The following CYFIP1 variants were observed in gnomAD, a reference collection of about 807,000 sequenced individuals.
CYFIP1 encodes cytoplasmic FMR1-interacting protein 1.
A neutral mutation model predicts 163.5 loss-of-function variants in CYFIP1; 58 were observed. The ratio of observed to expected loss-of-function variants is 0.35; its 90% confidence interval spans 0.29 to 0.44. The LOEUF (loss-of-function observed/expected upper bound fraction) is 0.44. Among genes scored for constraint, CYFIP1 ranks in the 20% least tolerant of loss-of-function variants. The pLI is 1.00. For synonymous variants in CYFIP1, 663 were observed against 660.7 expected (o/e 1.00, Z -0.05); for missense variants, 1,338 against 1,653.8 (o/e 0.81, Z 3.31).
chr15:22,917,148 C>T lies in CYFIP1; in HGVS notation c.1675-518G>A, dbSNP rs780237841. On this transcript the variant is annotated intron_variant, in intron 15 of 30. Coordinates refer to ENST00000617928, the MANE Select transcript of CYFIP1 (RefSeq NM_014608.6). The surrounding 1 kb of genome is among the most constrained non-coding windows in gnomAD (Gnocchi z 4.2). ...GAGGCAGGGAGGGTGGCTGGCACCACGCACAGGCCGAGGGCCGTCCCCCTG... is the reference window on the plus strand; with the variant it reads ...GAGGCAGGGAGGGTGGCTGGCACCATGCACAGGCCGAGGGCCGTCCCCCTG... 1.5e-5 allele frequency: 22 copies of T among 1,441,794 alleles called. No homozygotes were observed. The highest frequency in any genetic ancestry group is 4.5e-5 in the South Asian group (3 of 67,018). 89.3% of individuals were successfully genotyped at this position (1,441,794 alleles called of 1,614,324 possible).
intron 1 of CYFIP1, among the ~76,000 whole-genome samples, chr15:22,954,388 G>A (rs2062370203): frequency 1.3e-5 from 2 of 152,352 alleles, no homozygotes; most frequent in South Asian, 2.1e-4. Context: ...CAGGTGGGAC[G>A]CAGATTCCCT....
chr15:22,954,253 C>CT (rs2062363535), intron 1 of CYFIP1, among the ~76,000 whole-genome samples: 1 of 152,034 alleles, frequency 6.6e-6, no homozygotes, highest in Non-Finnish European at 1.5e-5. Flanking sequence ...CCCTGCTGGC[C>CT]CCCTGATCTC....
chr15:22,964,396 CACACACACACA>C (rs2062827357), intron 1 of CYFIP1, among the ~76,000 whole-genome samples: 3 of 148,182 alleles, frequency 2.0e-5, no homozygotes, highest in African/African-American at 5.2e-5. Context: ...CACACACACA[CACACACACACA>C]CCCGGCAGCC....
chr15:22,908,254 T>C (rs1390486448), intron 21 of CYFIP1, among the ~76,000 whole-genome samples: 2 of 152,020 alleles, frequency 1.3e-5, no homozygotes, highest in African/African-American at 4.8e-5. Flanking sequence ...AAGCAGAGAA[T>C]CCAAAGACCC....
chr15:22,891,106 C>G (rs1486263109), intron 23 of CYFIP1, among the ~76,000 whole-genome samples: 1 of 66,904 alleles, frequency 1.5e-5, no homozygotes, highest in Admixed American at 2.0e-4. Flanking sequence ...GCCATCATAA[C>G]ATTGCTAAAA....
intron 12 of CYFIP1, among the ~76,000 whole-genome samples, chr15:22,927,285 G>C (rs1168671285): frequency 6.6e-6 from 1 of 152,014 alleles, no homozygotes; most frequent in East Asian, 1.9e-4. Context: ...TTCAAGACCA[G>C]TGTGGCCAAC....
intron 22 of CYFIP1, among the ~76,000 whole-genome samples, chr15:22,895,124 C>T (rs2060202648): frequency 6.6e-6 from 1 of 151,880 alleles, no homozygotes; most frequent in Admixed American, 6.6e-5. Context: ...AGGCCATTCT[C>T]CTGCCTCAGC....
At chr15:22,875,116 T>C (rs1844812373) in intron 27 of CYFIP1, 83 bp downstream of exon 27, 1 of 1,301,342 alleles carries the variant, frequency 7.7e-7, no homozygotes, top group East Asian at 2.3e-5. Context: ...TCTGCACTGG[T>C]CCTTAGCTCT....
At chr15:22,933,719 A>G (rs1019562270) in intron 10 of CYFIP1, 83 bp downstream of exon 10, 2 of 987,138 alleles carry the variant, frequency 2.0e-6, no homozygotes, top group Non-Finnish European at 3.2e-6. Context: ...TGTTATCTCT[A>G]GACAAATAAG....
chr15:22,969,925 A>C (rs1805438836), intron 1 of CYFIP1, among the ~76,000 whole-genome samples: 1 of 152,184 alleles, frequency 6.6e-6, no homozygotes, highest in Non-Finnish European at 1.5e-5. Context: ...CATTATGATA[A>C]AAAGGTAGTC....
chr15:22,952,891 C>G (rs181498967), intron 1 of CYFIP1, among the ~76,000 whole-genome samples: 1 of 152,196 alleles, frequency 6.6e-6, no homozygotes, highest in Non-Finnish European at 1.5e-5. Context: ...CTCAAGTCAT[C>G]AGAGCACCGT....
intron 1 of CYFIP1, among the ~76,000 whole-genome samples, chr15:22,956,366 A>G (rs977327901): frequency 2.0e-5 from 3 of 152,202 alleles, no homozygotes; most frequent in Admixed American, 2.0e-4. Flanking sequence ...TTGAAAATGA[A>G]AAAAGACACT....
chr15:22,902,834 C>T (rs11857931), intron 22 of CYFIP1, among the ~76,000 whole-genome samples: 48,369 of 152,102 alleles, frequency 0.32, 8,077 homozygotes, highest in South Asian at 0.38. Flanking sequence ...CCTGAACAGA[C>T]GACAGCCACA....
chr15:22,937,596 C>CT (rs919893437), intron 8 of CYFIP1, among the ~76,000 whole-genome samples: 31,592 of 142,328 alleles, frequency 0.22, 4,380 homozygotes, highest in Middle Eastern at 0.31. Context: ...ACTAAAAATT[C>CT]TTTTTTTGTT....
chr15:22,916,217 C>G (rs1047812300), intron 16 of CYFIP1, among the ~76,000 whole-genome samples: 1 of 152,240 alleles, frequency 6.6e-6, no homozygotes, highest in African/African-American at 2.4e-5. Context: ...TGTTTCCAAC[C>G]CCGCATGGGT....
At chr15:22,925,874 A>G (rs2061340847) in intron 13 of CYFIP1, 108 bp downstream of exon 13, 3 of 1,495,148 alleles carry the variant, frequency 2.0e-6, no homozygotes, top group African/African-American at 2.8e-5. Context: ...GTGCCCACAC[A>G]GAAGCAATGA....
chr15:22,931,975 C>T (rs905120936), intron 11 of CYFIP1, among the ~76,000 whole-genome samples: 1 of 152,136 alleles, frequency 6.6e-6, no homozygotes, highest in Non-Finnish European at 1.5e-5. Context: ...TAGGAGCCAT[C>T]CGCTGTACCC....
At chr15:22,957,269 G>A (rs959495407) in intron 1 of CYFIP1, among the ~76,000 whole-genome samples, 4 of 152,228 alleles carry the variant, frequency 2.6e-5, no homozygotes, top group Admixed American at 6.5e-5. Context: ...CTGGGAGGCC[G>A]AGGCAGGCGG....
intron 1 of CYFIP1, among the ~76,000 whole-genome samples, chr15:22,948,496 T>C (rs993855791): frequency 4.6e-5 from 7 of 152,156 alleles, no homozygotes; most frequent in African/African-American, 1.4e-4. Flanking sequence ...AACATCCTCC[T>C]AGGATTTTAA....
Sources: allele counts gnomAD v4.1 joint callset (sites outside exome capture counted in the v4.1 genomes callset), GRCh38; gene constraint gnomAD v4.1.1; non-coding constraint Gnocchi (gnomAD v3.1); transcripts MANE v1.5; gene names NCBI Gene and HGNC (gene_info 2026-07-23, HGNC 2026-07-21).